FRMD5: variants seen among roughly 807,000 people sequenced by gnomAD.
FRMD5 encodes FERM domain-containing protein 5.
In FRMD5, 20 loss-of-function variants were observed where a neutral mutation model predicts 69.0. The observed-to-expected ratio is 0.29, with a 90% CI of 0.20 to 0.42. FRMD5 has a LOEUF of 0.42. Among genes scored for constraint, FRMD5 ranks in the 10% least tolerant of loss-of-function variants. The probability of loss-of-function intolerance (pLI) is 1.00; values close to 1 mark genes in which losing one functional copy is unlikely to be tolerated. For synonymous variants in FRMD5, 271 were observed against 260.1 expected (o/e 1.04, Z -0.40); for missense variants, 595 against 708.6 (o/e 0.84, Z 1.82).
At chr15:43,921,966 T>G (rs2089501294) in intron 2 of FRMD5, among the ~76,000 whole-genome samples, 1 of 151,500 alleles carries the variant, frequency 6.6e-6, no homozygotes, top group African/African-American at 2.4e-5. Context: ...GGGAAAGAGG[T>G]TTATTTTAGG....
chr15:43,997,851 C>T (rs953771809), intron 1 of FRMD5, among the ~76,000 whole-genome samples: 2 of 152,044 alleles, frequency 1.3e-5, no homozygotes, highest in Non-Finnish European at 2.9e-5. Flanking sequence ...ACAATAAAAC[C>T]ATAATGACAA....
At chr15:44,087,763 TCATC>T (rs1894263291) in intron 1 of FRMD5, among the ~76,000 whole-genome samples, 1 of 150,618 alleles carries the variant, frequency 6.6e-6, no homozygotes, top group African/African-American at 2.5e-5. Context: ...ATCATCATCA[TCATC>T]ATCATCATCA....
chr15:44,038,572 G>A (rs1330178532), intron 1 of FRMD5, among the ~76,000 whole-genome samples: 1 of 114,092 alleles, frequency 8.8e-6, no homozygotes, highest in Non-Finnish European at 1.7e-5. Context: ...CAAGATGGCT[G>A]AATAGGAACA....
intron 13 of FRMD5, among the ~76,000 whole-genome samples, chr15:43,880,039 G>A (rs780480863): frequency 3.3e-5 from 5 of 152,168 alleles, no homozygotes; most frequent in Non-Finnish European, 5.9e-5. Flanking sequence ...GGGACAGAGG[G>A]GGCAGAGAAC....
intron 1 of FRMD5, among the ~76,000 whole-genome samples, chr15:44,059,619 C>T (rs1480148523): frequency 1.3e-5 from 2 of 152,132 alleles, no homozygotes; most frequent in Non-Finnish European, 2.9e-5. Flanking sequence ...TCAAACGATT[C>T]TCCTGCCTCA....
intron 1 of FRMD5, among the ~76,000 whole-genome samples, chr15:44,193,606 C>T (rs2078231491): frequency 1.3e-5 from 2 of 152,138 alleles, no homozygotes; most frequent in Non-Finnish European, 2.9e-5. Flanking sequence ...TTTAAGTAGC[C>T]TTAAAAAGAG....
At chr15:43,930,853 C>A (rs2089663033) in intron 1 of FRMD5, among the ~76,000 whole-genome samples, 1 of 152,156 alleles carries the variant, frequency 6.6e-6, no homozygotes, top group Admixed American at 6.5e-5. Flanking sequence ...ATGGAGGTCA[C>A]CGTGCGCAAG....
intron 5 of FRMD5, among the ~76,000 whole-genome samples, chr15:43,906,896 C>T (rs1174743166): frequency 6.6e-6 from 1 of 152,138 alleles, no homozygotes; most frequent in Non-Finnish European, 1.5e-5. Context: ...CCACCGCACC[C>T]GGCCGAGAAG....
chr15:44,045,664 G>A (rs1892395963), intron 1 of FRMD5, among the ~76,000 whole-genome samples: 1 of 152,110 alleles, frequency 6.6e-6, no homozygotes. Context: ...TAATATAGAA[G>A]GAGGAGAAAC....
intron 1 of FRMD5, among the ~76,000 whole-genome samples, chr15:44,108,940 A>G (rs1227179906): frequency 6.7e-6 from 1 of 149,868 alleles, no homozygotes; most frequent in Admixed American, 6.6e-5. Flanking sequence ...CAGCCTGGGC[A>G]ACAGAGTGAG....
At chr15:43,903,911 G>A (rs745899249) in intron 6 of FRMD5, among the ~76,000 whole-genome samples, 1 of 152,208 alleles carries the variant, frequency 6.6e-6, no homozygotes, top group Admixed American at 6.5e-5. Flanking sequence ...GGAACCATGA[G>A]GCCCCTGCCC....
intron 7 of FRMD5, among the ~76,000 whole-genome samples, chr15:43,898,292 C>G (rs1182401758): frequency 6.6e-6 from 1 of 152,090 alleles, no homozygotes; most frequent in Non-Finnish European, 1.5e-5. Context: ...TACTGTGTTA[C>G]CCAGTACCTT....
At chr15:43,988,872 G>C (rs1889528305) in intron 1 of FRMD5, among the ~76,000 whole-genome samples, 1 of 152,124 alleles carries the variant, frequency 6.6e-6, no homozygotes, top group Non-Finnish European at 1.5e-5. Context: ...TGGCCACACT[G>C]TAGAACTCTG....
intron 1 of FRMD5, among the ~76,000 whole-genome samples, chr15:44,072,351 A>G (rs1194217183): frequency 6.6e-6 from 1 of 152,202 alleles, no homozygotes; most frequent in Non-Finnish European, 1.5e-5. Flanking sequence ...GAACTGCCTG[A>G]TAGAAAAGAA....
At chr15:44,019,417 A>G (rs1392311076) in intron 1 of FRMD5, among the ~76,000 whole-genome samples, 1 of 151,670 alleles carries the variant, frequency 6.6e-6, no homozygotes, top group Non-Finnish European at 1.5e-5. Context: ...GCTAGTCAAA[A>G]TATCTTTGGC....
chr15:43,995,156 T>C (rs1411205459), intron 1 of FRMD5, among the ~76,000 whole-genome samples: 1 of 152,212 alleles, frequency 6.6e-6, no homozygotes, highest in African/African-American at 2.4e-5. Flanking sequence ...TATAACAACA[T>C]ATGCATATCC....
At position 43,880,887 on chromosome 15, in the gene FRMD5, G is replaced by A. The variant is rs372823670; in HGVS notation, c.1135+2816C>T. On this transcript the variant is annotated intron_variant, in intron 13 of 13. Transcript: ENST00000417257. ...GGGGAATAGTTTGGACAAGGAACCT[G>A]CTGCTGCAATGGGAGGAGGAGGCTG... is the stretch of plus-strand genomic sequence containing the variant. Among the ~76,000 whole-genome samples the A allele has an allele frequency of 3.2e-4, 48 of 152,360 alleles. No individual in the cohort carries two copies. In the South Asian group the frequency reaches 4.8e-3, roughly 15 times the overall value.
rs370283366 is a variant in FRMD5 at position 44,160,026 on chromosome 15, G to A, written c.102+34927C>T. Among the ~76,000 whole-genome samples, 42 of 152,244 alleles carry A rather than the reference G, an allele frequency of 2.8e-4. 1 individual carries two copies. The highest frequency in any genetic ancestry group is 8.4e-4 in the African/African-American group (35 of 41,542). On this transcript the variant is annotated intron_variant, in intron 1 of 13. Coordinates refer to ENST00000417257, the MANE Select transcript of FRMD5 (RefSeq NM_032892.5). ...ATAAGTAGCATGGCTGACCCTTCACGGTAGCCACTGCTGACATTTAGTTCT... is the reference window on the plus strand; with the variant it reads ...ATAAGTAGCATGGCTGACCCTTCACAGTAGCCACTGCTGACATTTAGTTCT...
chr15:44,168,306 G>T (rs1042146019), intron 1 of FRMD5, among the ~76,000 whole-genome samples: 1 of 152,116 alleles, frequency 6.6e-6, no homozygotes, highest in South Asian at 2.1e-4. Context: ...GTAAATACTG[G>T]CATTTTAAAA....
Sources: allele counts gnomAD v4.1 joint callset (sites outside exome capture counted in the v4.1 genomes callset), GRCh38; gene constraint gnomAD v4.1.1; transcripts MANE v1.5; gene names NCBI Gene and HGNC (gene_info 2026-07-23, HGNC 2026-07-21).